The following PYHIN1 variants were observed in gnomAD, a reference collection of about 807,000 sequenced individuals.
The protein encoded by PYHIN1 is pyrin and HIN domain family member 1.
A neutral mutation model predicts 43.7 loss-of-function variants in PYHIN1; 32 were observed. The ratio of observed to expected loss-of-function variants is 0.73; its 90% confidence interval spans 0.55 to 0.98. The LOEUF (loss-of-function observed/expected upper bound fraction) is 0.98, where lower values mean the gene tolerates loss of function less well. Among genes scored for constraint, PYHIN1 ranks in the 50% least tolerant of loss-of-function variants. The pLI, the probability that PYHIN1 is intolerant of heterozygous loss-of-function variation, is 0.00. For synonymous variants in PYHIN1, 205 were observed against 203.1 expected (o/e 1.01, Z -0.08); for missense variants, 588 against 589.5 (o/e 1.00, Z 0.03).
At chr1:158,977,907 G>A (rs962734993), downstream of PYHIN1, among the ~76,000 whole-genome samples, 10 of 151,994 alleles carry the variant, frequency 6.6e-5, no homozygotes, top group East Asian at 1.9e-4. Context: ...TGAATAAGAC[G>A]GATTCCACCT....
chr1:158,940,921 C>A (rs1428806357), intron 4 of PYHIN1, among the ~76,000 whole-genome samples: 1 of 152,162 alleles, frequency 6.6e-6, no homozygotes, highest in Non-Finnish European at 1.5e-5. Flanking sequence ...TCTCTCTGAG[C>A]AGTTATATGA....
At chr1:158,982,889 CT>C in the PYHIN1 span, among the ~76,000 whole-genome samples, 1 of 151,310 alleles carries the variant, frequency 6.6e-6, no homozygotes, top group Non-Finnish European at 1.5e-5. Flanking sequence ...TGTGTTTATT[CT>C]TTGTGTGGCT....
At chr1:158,966,482 A>G (rs765212709) in intron 7 of PYHIN1, among the ~76,000 whole-genome samples, 31 of 152,184 alleles carry the variant, frequency 2.0e-4, no homozygotes, top group Admixed American at 4.6e-4. Context: ...AAAAAAATAC[A>G]AGTAAACAAA....
At chr1:158,984,072 A>G in the PYHIN1 span, among the ~76,000 whole-genome samples, 1 of 78,378 alleles carries the variant, frequency 1.3e-5, no homozygotes, top group Admixed American at 1.6e-4. Flanking sequence ...AGTGGTCTAT[A>G]TATCTTATTC....
At position 158,942,362 on chromosome 1, in the gene PYHIN1, C is replaced by A; in HGVS notation, c.965C>A (p.Ser322Ter). The A allele has an allele frequency of 6.2e-7, 1 of 1,611,044 alleles. No individual in the cohort carries two copies. Among genetic ancestry groups the A allele is most frequent in the Non-Finnish European group, 8.5e-7 (1 of 1,179,052 alleles). Residue 322 changes from serine to a stop codon, truncating the protein, a stop_gained, in exon 5 of 9, where the codon TCA (serine) becomes TAA (stop). Transcript: ENST00000368140. LOFTEE classifies it high-confidence loss of function. The part of the protein sequence containing the change: ...PKINILHKQT[S>*]GYIVYGLFML... ...ATCAATATTCTTCACAAACAAACTT[C>A]AGGATATATTGTATATGGATTATTT...
At chr1:158,937,554 C>G (rs1467040080) in intron 2 of PYHIN1, among the ~76,000 whole-genome samples, 3 of 152,186 alleles carry the variant, frequency 2.0e-5, no homozygotes, top group Non-Finnish European at 4.4e-5. Context: ...AACACACCAT[C>G]ATCCTTTATA....
In PYHIN1 at chr1:158,943,901, C is replaced by T; in HGVS notation, c.1114C>T (p.Leu372Phe). Residue 372 changes from leucine (L) to phenylalanine (F), a missense_variant, in exon 6 of 9, where the codon CTT (leucine) becomes TTT (phenylalanine). Coordinates refer to ENST00000368140, the MANE Select transcript of PYHIN1 (RefSeq NM_152501.5). The part of the protein sequence containing the change: ...HNIPCEKGDK[L>F]RLFCFRLRKR... ...TATCCCCTGTGAAAAAGGAGATAAGCTTCGACTCTTCTGCTTTCGACTGAG... is the reference window on the plus strand; with the variant it reads ...TATCCCCTGTGAAAAAGGAGATAAGTTTCGACTCTTCTGCTTTCGACTGAG... 1.2e-6 allele frequency: 2 copies of T among 1,608,740 alleles called. No individual in the cohort carries two copies. The highest frequency in any genetic ancestry group is 1.7e-6 in the Non-Finnish European group (2 of 1,176,292).
rs1313291450 is a variant in PYHIN1, at chr1:158,933,882, G to A, written c.-21+2106G>A. Among the ~76,000 whole-genome samples, 3 of 151,712 alleles carry A rather than the reference G, an allele frequency of 2.0e-5. No homozygotes were observed. Among genetic ancestry groups the A allele is most frequent in the Non-Finnish European group, 2.9e-5 (2 of 67,924 alleles). ...GTTTTTCATTCTTACTTGTCTTTTG[G>A]CCTGCAGCTTTTTAAAATTTTTTTT... On this transcript the variant is annotated intron_variant, in intron 1 of 8. Coordinates refer to ENST00000368140, the MANE Select transcript of PYHIN1 (RefSeq NM_152501.5). This position sits in a 1 kb window ranked among gnomAD's most constrained non-coding sequence, Gnocchi z 6.3.
intron 7 of PYHIN1, among the ~76,000 whole-genome samples, chr1:158,971,830 C>A (rs1271326488): frequency 6.6e-6 from 1 of 151,950 alleles, no homozygotes; most frequent in Non-Finnish European, 1.5e-5. Context: ...AGGACCCAAT[C>A]ACACACCTAC....
At chr1:158,963,626 A>G (rs1650457687) in intron 7 of PYHIN1, among the ~76,000 whole-genome samples, 1 of 152,182 alleles carries the variant, frequency 6.6e-6, no homozygotes, top group Admixed American at 6.5e-5. Context: ...ACACTTAAGC[A>G]CCACCTACTG....
chr1:158,949,578 T>C (rs945321278), intron 7 of PYHIN1, among the ~76,000 whole-genome samples: 1 of 133,650 alleles, frequency 7.5e-6, no homozygotes, highest in African/African-American at 2.8e-5. Flanking sequence ...TTCCCCTTCC[T>C]GTGTCCATGT....
At chr1:158,989,703 C>T in the PYHIN1 span, among the ~76,000 whole-genome samples, 1 of 152,158 alleles carries the variant, frequency 6.6e-6, no homozygotes. Context: ...ACCCTGCTGA[C>T]CTCTTGATCT....
chr1:158,979,439 G>A (rs1651411913), downstream of PYHIN1, among the ~76,000 whole-genome samples: 1 of 152,136 alleles, frequency 6.6e-6, no homozygotes, highest in South Asian at 2.1e-4. Flanking sequence ...TTAGCATAAT[G>A]CCCTCAAGTT....
intron 7 of PYHIN1, among the ~76,000 whole-genome samples, chr1:158,966,855 C>T (rs111532678): frequency 0.067 from 10,195 of 151,900 alleles, 419 homozygotes; most frequent in Admixed American, 0.11. Flanking sequence ...CTAGAAATCC[C>T]GGCCAGAGGA....
chr1:158,961,515 C>T (rs1650316836), intron 7 of PYHIN1, among the ~76,000 whole-genome samples: 1 of 151,276 alleles, frequency 6.6e-6, no homozygotes, highest in African/African-American at 2.4e-5. Context: ...TCCAGGTGGA[C>T]CATTGAGATC....
At chr1:158,955,555 G>A (rs1200673294) in intron 7 of PYHIN1, among the ~76,000 whole-genome samples, 3 of 150,522 alleles carry the variant, frequency 2.0e-5, no homozygotes, top group African/African-American at 7.4e-5. Flanking sequence ...TGAAACCAAC[G>A]AGAACAAAGA....
At chr1:158,963,781 C>T (rs1650464672) in intron 7 of PYHIN1, among the ~76,000 whole-genome samples, 1 of 152,208 alleles carries the variant, frequency 6.6e-6, no homozygotes, top group Non-Finnish European at 1.5e-5. Context: ...TTTCTAACTA[C>T]TCAAAAGAAA....
At chr1:158,958,071 A>T (rs185181804) in intron 7 of PYHIN1, among the ~76,000 whole-genome samples, 4 of 152,158 alleles carry the variant, frequency 2.6e-5, no homozygotes, top group South Asian at 2.1e-4. Context: ...ATCTCACACC[A>T]GTTAGAATGG....
intron 8 of PYHIN1, among the ~76,000 whole-genome samples, chr1:158,974,794 C>T (rs1615480): frequency 0.88 from 133,216 of 152,028 alleles, 59,869 homozygotes; most frequent in Middle Eastern, 0.98. Flanking sequence ...AAAGCTAGCA[C>T]GTCCTCTTTA....
Sources: allele counts gnomAD v4.1 joint callset (sites outside exome capture counted in the v4.1 genomes callset), GRCh38; gene constraint gnomAD v4.1.1; non-coding constraint Gnocchi (gnomAD v3.1); transcripts MANE v1.5; gene names NCBI Gene and HGNC (gene_info 2026-07-23, HGNC 2026-07-21).